Variants in PITPNA observed in about 807,000 individuals in gnomAD.
The protein encoded by PITPNA is phosphatidylinositol transfer protein alpha isoform.
PITPNA carries 13 observed loss-of-function variants against 50.3 expected under a neutral mutation model. The ratio of observed to expected loss-of-function variants is 0.26; its 90% CI spans 0.17 to 0.41. The LOEUF (loss-of-function observed/expected upper bound fraction) is 0.41. Among genes scored for constraint, PITPNA ranks in the 10% least tolerant of loss-of-function variants. PITPNA has a pLI of 1.00. For missense variants in PITPNA, 207 were observed against 333.4 expected, an observed-to-expected ratio of 0.62 and a Z score of 2.95; for synonymous variants, 120 against 119.6, an observed-to-expected ratio of 1.00 and a Z score of -0.02.
chr17:1,562,611 C>T lies in PITPNA; in HGVS notation c.-51G>A. 1.7e-6 allele frequency: 2 copies of T among 1,211,482 alleles called. No homozygotes were observed. Among genetic ancestry groups the T allele is most frequent in the East Asian group, 7.1e-5 (2 of 28,094 alleles). 75.0% of individuals were successfully genotyped at this position (1,211,482 alleles called of 1,614,324 possible). Reference sequence around the variant, plus strand: ...CGCGGCCCGCCCGGCCTCCCGCCCGCTGCCCGCCGGCCGCTCTCCCCGTGG... The same window carrying T: ...CGCGGCCCGCCCGGCCTCCCGCCCGTTGCCCGCCGGCCGCTCTCCCCGTGG... On this transcript the variant is annotated 5_prime_UTR_variant, in exon 1 of 12. Transcript: ENST00000313486. The surrounding 1 kb of genome is among the most constrained non-coding windows in gnomAD (Gnocchi z 6.4).
chr17:1,535,553 G>GTGAGAGTGAGGGGT (rs2075610854), intron 7 of PITPNA, 35 bp from the exon 8 acceptor site: 1 of 1,338,486 alleles, frequency 7.5e-7, no homozygotes, highest in African/African-American at 1.4e-5. Flanking sequence ...TTGGAGGGGA[G>GTGAGAGTGAGGGGT]TGGGAGAGGG....
chr17:1,562,528 G>A lies in PITPNA; in HGVS notation c.20+13C>T, dbSNP rs377076834. 139 of 1,408,260 alleles carry A rather than the reference G, an allele frequency of 9.9e-5. No individual in the cohort carries two copies. In the African/African-American group the frequency reaches 1.8e-3, roughly 18 times the overall value. 87.2% of individuals were successfully genotyped at this position (1,408,260 alleles called of 1,614,324 possible). ...CCCTCCTCCCCGCTTCCGCACGGCC[G>A]CCGGACACTCACTACTCCTTGAGCA... is the stretch of plus-strand genomic sequence containing the variant. On this transcript the variant is annotated intron_variant, in intron 1 of 11. Transcript: ENST00000313486. The surrounding 1 kb of genome is among the most constrained non-coding windows in gnomAD (Gnocchi z 6.4).
intron 1 of PITPNA, among the ~76,000 whole-genome samples, chr17:1,559,000 G>A (rs954623504): frequency 6.6e-6 from 1 of 152,116 alleles, no homozygotes; most frequent in African/African-American, 2.4e-5. Flanking sequence ...AGTGAGTCTA[G>A]TAAGACAGGT....
At chr17:1,560,989 G>A (rs991274373) in intron 1 of PITPNA, among the ~76,000 whole-genome samples, 1 of 152,250 alleles carries the variant, frequency 6.6e-6, no homozygotes, top group African/African-American at 2.4e-5. Flanking sequence ...AAGTGCGATC[G>A]CTGACAAAGT....
chr17:1,558,478 T>C, intron 2 of PITPNA, 51 bp downstream of exon 2: 4 of 1,214,856 alleles, frequency 3.3e-6, no homozygotes, highest in Non-Finnish European at 3.7e-6. Flanking sequence ...GCTTAGCCAA[T>C]GGTCACAAAC....
At chr17:1,525,929 C>T (rs561382553) in intron 10 of PITPNA, among the ~76,000 whole-genome samples, 1 of 152,204 alleles carries the variant, frequency 6.6e-6, no homozygotes, top group East Asian at 1.9e-4. Flanking sequence ...TGTACAAGTC[C>T]CCTAGCTCTA....
intron 10 of PITPNA, among the ~76,000 whole-genome samples, chr17:1,522,670 G>C (rs1428117449): frequency 2.0e-5 from 3 of 152,228 alleles, no homozygotes; most frequent in South Asian, 2.1e-4. Context: ...ACCGCACCCA[G>C]CCTCAGTGAG....
At chr17:1,549,128 G>A (rs987648086) in intron 3 of PITPNA, among the ~76,000 whole-genome samples, 2 of 151,664 alleles carry the variant, frequency 1.3e-5, no homozygotes, top group Admixed American at 6.6e-5. Flanking sequence ...GGCTGGTCTT[G>A]AACTCCTGAC....
intron 6 of PITPNA, among the ~76,000 whole-genome samples, chr17:1,541,209 CT>C (rs1437627868): frequency 6.6e-6 from 1 of 152,154 alleles, no homozygotes; most frequent in Non-Finnish European, 1.5e-5. Flanking sequence ...AAATAACTGT[CT>C]AAATTCTTGG....
intron 2 of PITPNA, among the ~76,000 whole-genome samples, 151 bp from the exon 3 acceptor site, chr17:1,553,300 C>G (rs142640860): frequency 7.8e-4 from 119 of 152,328 alleles, no homozygotes; most frequent in Non-Finnish European, 1.6e-3. Context: ...TTGCCCAAAC[C>G]CACCCAAAGC....
At chr17:1,549,411 G>C (rs2075696497) in intron 3 of PITPNA, among the ~76,000 whole-genome samples, 1 of 149,514 alleles carries the variant, frequency 6.7e-6, no homozygotes. Flanking sequence ...CCTCCTCCCA[G>C]GTTCAAGAGA....
In PITPNA at chr17:1,544,767, G is replaced by A. The variant is rs957742768; in HGVS notation, c.290-1740C>T. 5.9e-5 allele frequency among the ~76,000 whole-genome samples: 9 copies of A among 152,258 alleles called. 1 individual carries two copies. The highest frequency in any genetic ancestry group is 3.3e-4 in the Admixed American group (5 of 15,286). On this transcript the variant is annotated intron_variant, in intron 4 of 11. Transcript: ENST00000313486. ...AGCTTGGCCAACATGGTGAAACCTC[G>A]TTTCTACTAAAAATATAAAAATTAG...
intron 5 of PITPNA, among the ~76,000 whole-genome samples, chr17:1,542,193 T>C (rs865925233): frequency 6.9e-6 from 1 of 145,240 alleles, no homozygotes. Flanking sequence ...ACAGCAAGAC[T>C]CCGTTTCGAA....
intron 3 of PITPNA, among the ~76,000 whole-genome samples, chr17:1,551,762 T>C (rs1248540727): frequency 6.6e-6 from 1 of 152,176 alleles, no homozygotes; most frequent in East Asian, 1.9e-4. Flanking sequence ...AAACGAGACA[T>C]GGAGAAAAAG....
intron 10 of PITPNA, among the ~76,000 whole-genome samples, chr17:1,529,084 G>T (rs2075564829): frequency 6.8e-6 from 1 of 148,066 alleles, no homozygotes; most frequent in African/African-American, 2.5e-5. Flanking sequence ...GTTGCAGTGA[G>T]CCGAGATTGC....
At chr17:1,534,853 C>T (rs2075605060) in intron 9 of PITPNA, among the ~76,000 whole-genome samples, 2 of 152,226 alleles carry the variant, frequency 1.3e-5, no homozygotes, top group South Asian at 4.1e-4. Context: ...AACCGTAAGA[C>T]ATTTCAGTGC....
rs535423370 is a variant in PITPNA, at chr17:1,520,284, T to C, written c.*277A>G. 73 of 151,980 alleles carry C rather than the reference T, an allele frequency of 4.8e-4. No homozygotes were observed. Among genetic ancestry groups the C allele is most frequent in the African/African-American group, 1.7e-3 (72 of 41,266 alleles). The allele number at this position is 151,980 out of a possible 1,614,324, so 9.4% of individuals were successfully genotyped here. Reference sequence around the variant, plus strand: ...CACACAGAAATGGATCGGAACACAATGGAGAGAGACGGAGGCGCTGTAACT... The same window carrying C: ...CACACAGAAATGGATCGGAACACAACGGAGAGAGACGGAGGCGCTGTAACT... On this transcript the variant is annotated 3_prime_UTR_variant, in exon 12 of 12. Coordinates refer to ENST00000313486, the MANE Select transcript of PITPNA (RefSeq NM_006224.4).
chr17:1,537,713 A>C (rs1051788837), intron 7 of PITPNA, among the ~76,000 whole-genome samples: 1 of 152,120 alleles, frequency 6.6e-6, no homozygotes, highest in African/African-American at 2.4e-5. Context: ...AAATCCACCA[A>C]CGTTTTGAAG....
intron 10 of PITPNA, among the ~76,000 whole-genome samples, chr17:1,522,313 C>T (rs1034890178): frequency 6.6e-6 from 1 of 151,324 alleles, no homozygotes; most frequent in African/African-American, 2.4e-5. Flanking sequence ...CCTCATGATC[C>T]ACCCGCCTCG....
Sources: gnomAD v4.1 joint callset for allele counts (sites outside exome capture counted in the v4.1 genomes callset) on GRCh38, gnomAD v4.1.1 for gene constraint, Gnocchi (gnomAD v3.1) non-coding constraint, MANE v1.5 for transcripts, NCBI Gene and HGNC (gene_info 2026-07-23, HGNC 2026-07-21) for gene names.